Variants in ZBTB38 observed in about 807,000 individuals in gnomAD.
ZBTB38 encodes zinc finger and BTB domain containing 38, also known as zinc finger and BTB domain-containing protein 38.
ZBTB38 carries 20 observed loss-of-function variants against 76.8 expected under a neutral mutation model. The observed-to-expected ratio is 0.26, with a 90% CI of 0.18 to 0.38. The LOEUF (loss-of-function observed/expected upper bound fraction) is 0.38, where lower values mean the gene tolerates loss of function less well. Ranked by LOEUF, ZBTB38 falls within the 10% of genes least tolerant of loss-of-function variation. The pLI is 1.00. For synonymous variants in ZBTB38, 504 were observed against 544.2 expected, an observed-to-expected ratio of 0.93 and a Z score of 1.03; for missense variants, 1,082 against 1,482.3, an observed-to-expected ratio of 0.73 and a Z score of 4.43.
chr3:141,398,562 A>G (rs887516990), intron 4 of ZBTB38, among the ~76,000 whole-genome samples: 1 of 152,206 alleles, frequency 6.6e-6, no homozygotes, highest in Non-Finnish European at 1.5e-5. Context: ...AAACATATGT[A>G]GTAGAGGCTA....
chr3:141,327,776 A>G (rs1942717384), intron 1 of ZBTB38, among the ~76,000 whole-genome samples: 1 of 152,208 alleles, frequency 6.6e-6, no homozygotes, highest in Admixed American at 6.5e-5. Flanking sequence ...GGTAATGGGT[A>G]TATGGGAATT....
At chr3:141,333,358 T>A (rs1942910366) in intron 1 of ZBTB38, among the ~76,000 whole-genome samples, 2 of 151,964 alleles carry the variant, frequency 1.3e-5, no homozygotes, top group Non-Finnish European at 1.5e-5. Flanking sequence ...GGTTGCTCAC[T>A]CCAGGCCCAC....
rs566064306 is a variant in ZBTB38, at chr3:141,425,345, G to A, written c.1-17044G>A. 2.0e-5 allele frequency among the ~76,000 whole-genome samples: 3 copies of A among 152,310 alleles called. No homozygotes were observed. The East Asian group carries it at 5.8e-4, about 29-fold the overall frequency. Reference sequence around the variant, plus strand: ...CATTCAATATTATCTTGAAATGGGAGTGGATAAAAATCAAAATCAAAATAA... The same window carrying A: ...CATTCAATATTATCTTGAAATGGGAATGGATAAAAATCAAAATCAAAATAA... On this transcript the variant is annotated intron_variant, in intron 5 of 5. Coordinates refer to ENST00000321464, the MANE Select transcript of ZBTB38 (RefSeq NM_001376113.1).
intron 5 of ZBTB38, among the ~76,000 whole-genome samples, chr3:141,415,943 T>C (rs1424344220): frequency 1.3e-5 from 2 of 152,108 alleles, no homozygotes; most frequent in African/African-American, 2.4e-5. Context: ...GGAACTGACA[T>C]AAATAATTAT....
intron 5 of ZBTB38, among the ~76,000 whole-genome samples, chr3:141,422,024 G>A (rs1019746270): frequency 2.6e-5 from 4 of 152,224 alleles, no homozygotes; most frequent in Middle Eastern, 3.2e-3. Context: ...CTGCCGCTGG[G>A]GAAGGGCTCT....
chr3:141,434,229 A>G (rs1245435385), intron 5 of ZBTB38: 1 of 984,956 alleles, frequency 1.0e-6, no homozygotes, highest in East Asian at 1.1e-4. Flanking sequence ...AGACAAGAAC[A>G]AATGAGGATT....
At chr3:141,399,987 CT>C (rs557587979) in intron 4 of ZBTB38, among the ~76,000 whole-genome samples, 4,785 of 80,342 alleles carry the variant, frequency 0.06, 68 homozygotes, top group African/African-American at 0.16. Flanking sequence ...GAAAGTCTTG[CT>C]TTTTTTTTTT....
intron 3 of ZBTB38, among the ~76,000 whole-genome samples, chr3:141,382,241 C>CA (rs1236050013): frequency 1.3e-5 from 2 of 152,164 alleles, no homozygotes; most frequent in Non-Finnish European, 2.9e-5. Flanking sequence ...ACCAAACAAA[C>CA]AAAAGAGAAC....
chr3:141,414,379 C>A (rs2073439729), intron 5 of ZBTB38, among the ~76,000 whole-genome samples: 1 of 152,220 alleles, frequency 6.6e-6, no homozygotes, highest in Non-Finnish European at 1.5e-5. Flanking sequence ...TCTTCTCCTG[C>A]AGAGCGTTGG....
chr3:141,331,995 T>G (rs1942869560), intron 1 of ZBTB38, among the ~76,000 whole-genome samples: 1 of 152,202 alleles, frequency 6.6e-6, no homozygotes, highest in Non-Finnish European at 1.5e-5. Flanking sequence ...GTGTGACCCT[T>G]TGGGGAAGAG....
At chr3:141,355,887 C>T (rs1943644972) in intron 1 of ZBTB38, among the ~76,000 whole-genome samples, 1 of 152,162 alleles carries the variant, frequency 6.6e-6, no homozygotes, top group African/African-American at 2.4e-5. Flanking sequence ...GGCTCCAAAG[C>T]ACAAAGGGCT....
Position 141,445,480 on chromosome 3 carries a change from G to T in ZBTB38, c.3092G>T (p.Cys1031Phe), listed in dbSNP as rs1436185179. Residue 1031 changes from cysteine to phenylalanine, a missense_variant, in exon 6 of 6, where the codon TGT becomes TTT. Transcript: ENST00000321464. The surrounding 1 kb of genome is among the most constrained non-coding windows in gnomAD (Gnocchi z 6.5). ...TCCACACTCAAAATGCACATGAGAT[G>T]TCACACCGGGGAGAAGCCATACCAG... Reference protein sequence around the residue: ...SPSTLKMHMRCHTGEKPYQCK... With the variant: ...SPSTLKMHMRFHTGEKPYQCK... The T allele has an allele frequency of 1.2e-6, 2 of 1,614,152 alleles. No individual in the cohort carries two copies. Among genetic ancestry groups the T allele is most frequent in the Non-Finnish European group, 1.7e-6 (2 of 1,180,024 alleles).
intron 5 of ZBTB38, among the ~76,000 whole-genome samples, chr3:141,430,468 A>G (rs953232443): frequency 8.1e-4 from 123 of 152,324 alleles, no homozygotes; most frequent in African/African-American, 2.8e-3. Context: ...GTCAGTTCTC[A>G]AGCTAATTCC....
At chr3:141,388,102 GA>G (rs1454051053) in intron 4 of ZBTB38, 2 of 151,728 alleles carry the variant, frequency 1.3e-5, no homozygotes, top group African/African-American at 2.4e-5. Context: ...ATAAAAGGGA[GA>G]TTTTTTTTAA....
chr3:141,373,949 G>A (rs528747750), intron 2 of ZBTB38, among the ~76,000 whole-genome samples: 2 of 152,026 alleles, frequency 1.3e-5, no homozygotes, highest in Admixed American at 6.6e-5. Context: ...AGCCAAAATC[G>A]TGAAGCCCTG....
intron 5 of ZBTB38, among the ~76,000 whole-genome samples, chr3:141,417,388 C>A (rs2074305476): frequency 6.6e-6 from 1 of 152,202 alleles, no homozygotes; most frequent in South Asian, 2.1e-4. Flanking sequence ...ACAGACTTCA[C>A]AACCTTCATT....
At chr3:141,396,705 AATGG>A (rs1950419342) in intron 4 of ZBTB38, among the ~76,000 whole-genome samples, 1 of 152,246 alleles carries the variant, frequency 6.6e-6, no homozygotes, top group African/African-American at 2.4e-5. Flanking sequence ...AGGACTACAG[AATGG>A]ATGTTGTGTT....
intron 5 of ZBTB38, among the ~76,000 whole-genome samples, chr3:141,428,987 TA>T (rs2076918790): frequency 6.6e-6 from 1 of 152,206 alleles, no homozygotes; most frequent in South Asian, 2.1e-4. Context: ...CTTTTTATAG[TA>T]TAGATTGTTC....
chr3:141,391,989 T>C (rs1355955001), intron 4 of ZBTB38, among the ~76,000 whole-genome samples: 1 of 152,246 alleles, frequency 6.6e-6, no homozygotes, highest in African/African-American at 2.4e-5. Flanking sequence ...AACTCTTTCA[T>C]GCTTTTCAGG....
Sources: gnomAD v4.1 joint callset for allele counts (sites outside exome capture counted in the v4.1 genomes callset) on GRCh38, gnomAD v4.1.1 for gene constraint, Gnocchi (gnomAD v3.1) non-coding constraint, MANE v1.5 for transcripts, NCBI Gene and HGNC (gene_info 2026-07-23, HGNC 2026-07-21) for gene names.